The following ERGIC2 variants were observed in gnomAD, a reference collection of about 807,000 sequenced individuals.
ERGIC2 encodes endoplasmic reticulum-Golgi intermediate compartment protein 2.
Under a neutral mutation model 52.5 loss-of-function variants are expected in ERGIC2, and 31 were observed. The ratio of observed to expected loss-of-function variants is 0.59; its 90% CI spans 0.44 to 0.80. ERGIC2 has a LOEUF of 0.80. Among genes scored for constraint, ERGIC2 ranks in the 30% least tolerant of loss-of-function variants. The pLI is 0.00. For synonymous variants in ERGIC2, 129 were observed against 140.6 expected (o/e 0.92, Z 0.58); for missense variants, 395 against 455.2 (o/e 0.87, Z 1.20).
intron 13 of ERGIC2, 50 bp from the exon 14 acceptor site, chr12:29,341,268 T>C (rs1289150153): frequency 7.1e-7 from 1 of 1,405,584 alleles, no homozygotes; most frequent in Admixed American, 1.9e-5. Context: ...TTTTATTCCT[T>C]ATACTCTTTC....
chr12:29,376,225 C>T (rs943508999), intron 1 of ERGIC2, among the ~76,000 whole-genome samples: 5 of 152,158 alleles, frequency 3.3e-5, no homozygotes, highest in African/African-American at 9.7e-5. Context: ...AAATGAGGCA[C>T]AGAACTGTCA....
At chr12:29,348,470 T>A (rs1439861420) in intron 10 of ERGIC2, among the ~76,000 whole-genome samples, 1 of 152,052 alleles carries the variant, frequency 6.6e-6, no homozygotes, top group Non-Finnish European at 1.5e-5. Context: ...GAGAACAGAC[T>A]ACTTTCTAAA....
chr12:29,355,056 T>C (rs945020930), intron 8 of ERGIC2, among the ~76,000 whole-genome samples: 3 of 152,196 alleles, frequency 2.0e-5, no homozygotes, highest in Non-Finnish European at 2.9e-5. Flanking sequence ...TATCTCTATA[T>C]GTATTTTATA....
chr12:29,361,669 GA>G lies in ERGIC2; in HGVS notation c.349del (p.Ser117HisfsTer13). The G allele has an allele frequency of 6.2e-7, 1 of 1,605,688 alleles. No individual in the cohort carries two copies. Among genetic ancestry groups the G allele is most frequent in the Non-Finnish European group, 8.5e-7 (1 of 1,175,924 alleles). ...LVYEPTVFDL[S>X]PQQKEWQRML... ...CCTCTGCCACTCTTTCTGCTGTGGT[GA>G]AAGATCAAATACTGTCTGAAATGAA... On this transcript the variant is annotated frameshift_variant, in exon 6 of 14. Transcript: ENST00000360150. LOFTEE classifies it high-confidence loss of function.
At chr12:29,351,031 G>A (rs908081125) in intron 8 of ERGIC2, among the ~76,000 whole-genome samples, 4 of 152,126 alleles carry the variant, frequency 2.6e-5, no homozygotes, top group Admixed American at 1.3e-4. Context: ...TGTAACTGAT[G>A]GAAGTTCTCT....
intron 1 of ERGIC2, among the ~76,000 whole-genome samples, chr12:29,379,956 C>T (rs924972019): frequency 3.3e-5 from 5 of 151,974 alleles, no homozygotes; most frequent in African/African-American, 1.2e-4. Context: ...CCAGACTAGG[C>T]CTGATTTCCT....
chr12:29,375,321 T>C lies in ERGIC2; in HGVS notation c.-37-3651A>G, dbSNP rs78235748. On this transcript the variant is annotated intron_variant, in intron 1 of 13. Transcript: ENST00000360150. ...TGTTAGAGCAGGAACCATGTCTAAC[T>C]TGATCTTTGTATCTCCAATGCCTAG... 1.8e-3 allele frequency among the ~76,000 whole-genome samples: 273 copies of C among 152,360 alleles called. 6 individuals are homozygous for C. The East Asian group carries it at 0.041, about 23-fold the overall frequency.
chr12:29,343,035 G>A (rs1345739778), intron 12 of ERGIC2, 85 bp downstream of exon 12: 9 of 1,149,596 alleles, frequency 7.8e-6, no homozygotes, highest in Non-Finnish European at 1.1e-5. Flanking sequence ...ATGAAAATCT[G>A]TATACTTCTT....
chr12:29,371,779 T>C (rs1940444969), intron 1 of ERGIC2, 109 bp from the exon 2 acceptor site: 6 of 562,002 alleles, frequency 1.1e-5, no homozygotes, highest in Non-Finnish European at 1.9e-5. Context: ...AACATTCTCA[T>C]CCCCCCTTAA....
rs1949817579 is a variant in ERGIC2 at position 29,338,922 on chromosome 12, G to A, written c.*2234C>T. ...GTAACAAAGTAGGGTATCCTGGCTGGAGGCACCTCCAGGCATAGGGAAAGT... is the reference window on the plus strand; with the variant it reads ...GTAACAAAGTAGGGTATCCTGGCTGAAGGCACCTCCAGGCATAGGGAAAGT... On this transcript the variant is annotated 3_prime_UTR_variant, in exon 14 of 14. Coordinates refer to ENST00000360150, the MANE Select transcript of ERGIC2 (RefSeq NM_016570.3). 1 of 152,156 alleles carries A rather than the reference G, an allele frequency of 6.6e-6. No individual in the cohort carries two copies. The highest frequency in any genetic ancestry group is 2.4e-5 in the African/African-American group (1 of 41,428). The allele number at this position is 152,156 out of a possible 1,614,324, so 9.4% of individuals were successfully genotyped here. A position where few individuals can be genotyped will look rare whatever the true frequency, so the allele number is the denominator to read the frequency against.
chr12:29,349,571 C>T (rs913554010), intron 9 of ERGIC2, among the ~76,000 whole-genome samples: 1 of 151,972 alleles, frequency 6.6e-6, no homozygotes, highest in African/African-American at 2.4e-5. Context: ...ATTTTTAATA[C>T]ACTATTGCTA....
At chr12:29,357,071 A>G (rs935378117) in intron 7 of ERGIC2, among the ~76,000 whole-genome samples, 11 of 150,972 alleles carry the variant, frequency 7.3e-5, no homozygotes, top group African/African-American at 2.7e-4. Context: ...GGTTCAAGCT[A>G]TTCTCCTGCC....
At chr12:29,368,148 A>T in intron 4 of ERGIC2, 93 bp downstream of exon 4, 1 of 789,696 alleles carries the variant, frequency 1.3e-6, no homozygotes. Context: ...TTATAAAGGA[A>T]AAATAAAGTA....
intron 5 of ERGIC2, among the ~76,000 whole-genome samples, chr12:29,363,312 A>G (rs1940312003): frequency 6.6e-6 from 1 of 152,114 alleles, no homozygotes; most frequent in Non-Finnish European, 1.5e-5. Context: ...GTAAACTAGT[A>G]AAGTTATCAG....
Position 29,366,868 on chromosome 12 carries a change from C to T in ERGIC2, c.333+9G>A, listed in dbSNP as rs906022024. ...GTGTATTTCAAAAAACCATGTGAAT[C>T]AAACTTACTGGTTCATAAACTAAAC... On this transcript the variant is annotated intron_variant, in intron 5 of 13. Coordinates refer to ENST00000360150, the MANE Select transcript of ERGIC2 (RefSeq NM_016570.3). The T allele has an allele frequency of 6.3e-7, 1 of 1,581,278 alleles. No individual in the cohort carries two copies. The highest frequency in any genetic ancestry group is 1.7e-5 in the Admixed American group (1 of 58,050).
intron 1 of ERGIC2, among the ~76,000 whole-genome samples, chr12:29,379,332 A>G (rs1940555533): frequency 6.6e-6 from 1 of 151,952 alleles, no homozygotes; most frequent in South Asian, 2.1e-4. Flanking sequence ...TCTGAGCCAC[A>G]CTACAACGTG....
Position 29,370,187 on chromosome 12 carries a change from T to C in ERGIC2, c.142A>G (p.Thr48Ala), listed in dbSNP as rs1940422383. The change falls in exon 3 of 14, where the codon ACC becomes GCC. Residue 48 changes from threonine (T) to alanine (A), a missense_variant. By Grantham distance (58) the Thr-to-Ala change is moderately conservative (BLOSUM62 0). Transcript: ENST00000360150. ...LIAFTTMALL[T>A]IMEFSVYQDT... Reference sequence around the variant, plus strand: ...TGATATACTGAGAATTCCATTATGGTTAATAAAGCCATAGTTGTAAATGCT... The same window carrying C: ...TGATATACTGAGAATTCCATTATGGCTAATAAAGCCATAGTTGTAAATGCT... 2 of 1,554,682 alleles carry C rather than the reference T, an allele frequency of 1.3e-6. No individual in the cohort carries two copies. The highest frequency in any genetic ancestry group is 1.7e-6 in the Non-Finnish European group (2 of 1,160,094).
intron 13 of ERGIC2, among the ~76,000 whole-genome samples, 198 bp from the exon 14 acceptor site, chr12:29,341,416 G>C (rs1949839192): frequency 1.1e-4 from 1 of 8,998 alleles, no homozygotes; most frequent in Admixed American, 1.4e-3. Context: ...ACCCAGGCTG[G>C]AGTGCAGTGG....
intron 7 of ERGIC2, 67 bp from the exon 8 acceptor site, chr12:29,356,544 G>A (rs900052096): frequency 1.1e-5 from 9 of 802,014 alleles, no homozygotes; most frequent in South Asian, 1.8e-5. Flanking sequence ...TGAGAAAAAT[G>A]TGTATAGAAA....
Sources: gnomAD v4.1 joint callset for allele counts (sites outside exome capture counted in the v4.1 genomes callset) on GRCh38, gnomAD v4.1.1 for gene constraint, MANE v1.5 for transcripts, NCBI Gene and HGNC (gene_info 2026-07-23, HGNC 2026-07-21) for gene names.